KCND2: variants seen among roughly 807,000 people sequenced by gnomAD.
KCND2 encodes the protein A-type voltage-gated potassium channel KCND2.
KCND2 carries 16 observed loss-of-function variants against 54.4 expected under a neutral mutation model. The observed-to-expected ratio is 0.29, with a 90% CI of 0.20 to 0.45. The LOEUF (loss-of-function observed/expected upper bound fraction) is 0.45. KCND2 is among the 20% of genes least tolerant of loss of function. KCND2 has a pLI of 1.00. For missense variants in KCND2, 486 were observed against 824.2 expected (o/e 0.59, Z 5.02); for synonymous variants, 317 against 310.7 (o/e 1.02, Z -0.21).
chr7:120,508,076 G>T (rs1436167204), intron 1 of KCND2, among the ~76,000 whole-genome samples: 1 of 151,336 alleles, frequency 6.6e-6, no homozygotes. Context: ...ATTAGCTGCC[G>T]TGAAAACTAA....
intron 1 of KCND2, among the ~76,000 whole-genome samples, chr7:120,428,589 A>C (rs1235574537): frequency 3.9e-5 from 6 of 152,190 alleles, no homozygotes; most frequent in Non-Finnish European, 8.8e-5. Context: ...CTGAAGAATT[A>C]AATAGGGTCA....
intron 1 of KCND2, among the ~76,000 whole-genome samples, chr7:120,705,085 T>C (rs184801191): frequency 6.6e-6 from 1 of 152,148 alleles, no homozygotes. Flanking sequence ...AAGCAAATAG[T>C]TTTTAATTCA....
At chr7:120,345,970 CAGA>C (rs772884239) in intron 1 of KCND2, among the ~76,000 whole-genome samples, 1 of 152,110 alleles carries the variant, frequency 6.6e-6, no homozygotes, top group Non-Finnish European at 1.5e-5. Context: ...AGCAACAGAA[CAGA>C]GTTCTGGTTT....
chr7:120,613,487 C>G (rs368181286), intron 1 of KCND2, among the ~76,000 whole-genome samples: 1 of 152,068 alleles, frequency 6.6e-6, no homozygotes. Context: ...GCCGAGATTG[C>G]GCCACTGCTC....
intron 2 of KCND2, among the ~76,000 whole-genome samples, chr7:120,736,479 T>C (rs1792872122): frequency 6.6e-6 from 1 of 152,074 alleles, no homozygotes; most frequent in South Asian, 2.1e-4. Context: ...TAGAATGTAT[T>C]AGCCAAAATA....
intron 1 of KCND2, among the ~76,000 whole-genome samples, chr7:120,343,093 T>A (rs116748588): frequency 1.5e-3 from 221 of 152,252 alleles, no homozygotes; most frequent in African/African-American, 5.0e-3. Context: ...GGAGGATGCA[T>A]AAAAGATTTA....
At chr7:120,647,173 G>A (rs971866304) in intron 1 of KCND2, among the ~76,000 whole-genome samples, 10 of 152,022 alleles carry the variant, frequency 6.6e-5, no homozygotes, top group African/African-American at 7.3e-5. Context: ...TTCATTGATC[G>A]AATGTATTTG....
intron 1 of KCND2, among the ~76,000 whole-genome samples, chr7:120,577,008 G>A (rs1792443319): frequency 6.6e-6 from 1 of 152,006 alleles, no homozygotes; most frequent in Admixed American, 6.6e-5. Context: ...TTTGCTAGGT[G>A]TGGCAGCGTG....
chr7:120,641,354 C>G (rs1793370767), intron 1 of KCND2, among the ~76,000 whole-genome samples: 1 of 152,174 alleles, frequency 6.6e-6, no homozygotes, highest in Non-Finnish European at 1.5e-5. Flanking sequence ...CTGTACCCCT[C>G]TAGTGTCCCT....
At chr7:120,316,574 T>A (rs1799815351) in intron 1 of KCND2, among the ~76,000 whole-genome samples, 1 of 152,204 alleles carries the variant, frequency 6.6e-6, no homozygotes, top group Non-Finnish European at 1.5e-5. Flanking sequence ...TTCCAATGGA[T>A]TTATTAAGTG....
intron 1 of KCND2, among the ~76,000 whole-genome samples, chr7:120,586,164 CAG>C (rs1447355007): frequency 2.0e-5 from 3 of 151,824 alleles, no homozygotes; most frequent in Non-Finnish European, 4.4e-5. Context: ...TACTCACACA[CAG>C]ACACACACAC....
At chr7:120,482,003 A>C (rs551662350) in intron 1 of KCND2, among the ~76,000 whole-genome samples, 1 of 152,274 alleles carries the variant, frequency 6.6e-6, no homozygotes, top group Non-Finnish European at 1.5e-5. Flanking sequence ...GGTCACCAAC[A>C]TGCAACTCCA....
Position 120,730,152 on chromosome 7 carries a change from TC to T in KCND2, c.1116-2749del, listed in dbSNP as rs373795238. Among the ~76,000 whole-genome samples the T allele has an allele frequency of 3.2e-3, 492 of 152,308 alleles. 3 individuals are homozygous for T. The highest frequency in any genetic ancestry group is 0.011 in the African/African-American group (464 of 41,568). ...GCTTATTTTAATTACATGGACTCAGTCCTTGTATTCTTTAGCCATAATAAAT... is the reference window on the plus strand; with the variant it reads ...GCTTATTTTAATTACATGGACTCAGTCTTGTATTCTTTAGCCATAATAAAT... On this transcript the variant is annotated intron_variant, in intron 1 of 5. Transcript: ENST00000331113.
chr7:120,436,431 GT>G (rs1265614952), intron 1 of KCND2, among the ~76,000 whole-genome samples: 8 of 152,314 alleles, frequency 5.3e-5, no homozygotes, highest in African/African-American at 1.9e-4. Context: ...AATAGGAGTT[GT>G]CCTATATGTC....
At chr7:120,740,344 T>G (rs900353373) in intron 2 of KCND2, among the ~76,000 whole-genome samples, 12 of 152,028 alleles carry the variant, frequency 7.9e-5, no homozygotes, top group African/African-American at 2.9e-4. Flanking sequence ...TTTTAAAATT[T>G]TTATTAAAAA....
intron 1 of KCND2, among the ~76,000 whole-genome samples, chr7:120,426,659 T>C (rs1801712622): frequency 9.1e-6 from 1 of 109,698 alleles, no homozygotes; most frequent in Admixed American, 1.1e-4. Flanking sequence ...GCGCAATCTG[T>C]CGCCCAGGCT....
rs754253557 is a variant in KCND2, at chr7:120,631,791, C to T, written c.1116-101112C>T. ...TCAAGTACAAATAGTTCATTGTTTT[C>T]AATTTAACGTAGAAATGGGGATTGC... is the stretch of plus-strand genomic sequence containing the variant. On this transcript the variant is annotated intron_variant, in intron 1 of 5. Coordinates refer to ENST00000331113, the MANE Select transcript of KCND2 (RefSeq NM_012281.3). Among the ~76,000 whole-genome samples, 31 of 152,188 alleles carry T rather than the reference C, an allele frequency of 2.0e-4. 1 individual carries two copies. Among genetic ancestry groups the T allele is most frequent in the Non-Finnish European group, 3.7e-4 (25 of 67,962 alleles).
At chr7:120,733,916 A>G (rs961880163) in intron 2 of KCND2, among the ~76,000 whole-genome samples, 1 of 152,166 alleles carries the variant, frequency 6.6e-6, no homozygotes, top group Non-Finnish European at 1.5e-5. Flanking sequence ...CTGATGGTTT[A>G]TATGTGTCAG....
chr7:120,622,273 A>G (rs1793108447), intron 1 of KCND2, among the ~76,000 whole-genome samples: 1 of 152,166 alleles, frequency 6.6e-6, no homozygotes, highest in South Asian at 2.1e-4. Flanking sequence ...AGAAGGGTTT[A>G]ATTATTAAGG....
Sources: gnomAD v4.1 joint callset for allele counts (sites outside exome capture counted in the v4.1 genomes callset) on GRCh38, gnomAD v4.1.1 for gene constraint, MANE v1.5 for transcripts, NCBI Gene and HGNC (gene_info 2026-07-23, HGNC 2026-07-21) for gene names.